Variants in DGKI observed in about 807,000 individuals in gnomAD.
The protein encoded by DGKI is DAG kinase iota.
DGKI carries 55 observed loss-of-function variants against 147.5 expected under a neutral mutation model. That is an observed-to-expected ratio of 0.37 (90% confidence interval 0.30 to 0.47). The LOEUF is 0.47. DGKI is among the 20% of genes least tolerant of loss of function. DGKI has a pLI of 1.00. For missense variants in DGKI, 1,007 were observed against 1,323.8 expected (o/e 0.76, Z 3.71); for synonymous variants, 469 against 477.1 (o/e 0.98, Z 0.22).
intron 1 of DGKI, among the ~76,000 whole-genome samples, chr7:137,691,808 T>TTTTTTTTTTTTTTTTTG (rs1823619370): frequency 1.5e-5 from 2 of 133,228 alleles, no homozygotes; most frequent in African/African-American, 7.0e-5. Context: ...GTTTTTTTTT[T>TTTTTTTTTTTTTTTTTG]TTTTTTTTTT....
At chr7:137,739,711 G>A (rs767306992) in intron 1 of DGKI, among the ~76,000 whole-genome samples, 5 of 152,122 alleles carry the variant, frequency 3.3e-5, no homozygotes, top group Admixed American at 6.6e-5. Flanking sequence ...AGTGCTACAC[G>A]CATGTGTACA....
intron 1 of DGKI, among the ~76,000 whole-genome samples, chr7:137,749,804 C>T (rs1795444742): frequency 6.6e-6 from 1 of 151,978 alleles, no homozygotes; most frequent in East Asian, 1.9e-4. Flanking sequence ...AATCACATCC[C>T]TAAATGGTGC....
At chr7:137,822,722 G>A (rs1797940920) in intron 1 of DGKI, among the ~76,000 whole-genome samples, 1 of 151,608 alleles carries the variant, frequency 6.6e-6, no homozygotes, top group South Asian at 2.1e-4. Context: ...TTAATGTAGG[G>A]TGAATACAAC....
At chr7:137,549,356 G>T (rs1055480814) in intron 20 of DGKI, among the ~76,000 whole-genome samples, 1 of 152,134 alleles carries the variant, frequency 6.6e-6, no homozygotes, top group African/African-American at 2.4e-5. Flanking sequence ...AGGAGCACTG[G>T]CATCTAAGTG....
chr7:137,475,555 C>T (rs573067767), intron 23 of DGKI, among the ~76,000 whole-genome samples: 1 of 152,296 alleles, frequency 6.6e-6, no homozygotes, highest in African/African-American at 2.4e-5. Context: ...TGTCACAAAA[C>T]TATACATTAT....
chr7:137,584,026 T>G (rs528146420), intron 14 of DGKI, among the ~76,000 whole-genome samples: 1 of 152,266 alleles, frequency 6.6e-6, no homozygotes, highest in African/African-American at 2.4e-5. Flanking sequence ...TTATAATATA[T>G]GTAATTAAAT....
intron 1 of DGKI, chr7:137,722,238 G>C: frequency 6.3e-7 from 1 of 1,594,976 alleles, no homozygotes; most frequent in Admixed American, 1.7e-5. Flanking sequence ...AAAAGAAAAA[G>C]AAGGAGAAGG....
At chr7:137,689,747 G>C (rs1823540470) in intron 2 of DGKI, 147 bp downstream of exon 2, 2 of 464,418 alleles carry the variant, frequency 4.3e-6, no homozygotes, top group Non-Finnish European at 7.5e-6. Context: ...TTTGAAAATG[G>C]AGCTACAGCT....
intron 20 of DGKI, among the ~76,000 whole-genome samples, chr7:137,536,823 T>C (rs896755009): frequency 1.3e-5 from 2 of 152,040 alleles, no homozygotes; most frequent in Non-Finnish European, 2.9e-5. Flanking sequence ...CCCCTTTTCT[T>C]TGTGTCACTA....
intron 1 of DGKI, among the ~76,000 whole-genome samples, chr7:137,754,675 G>A (rs1212058791): frequency 6.6e-6 from 1 of 152,150 alleles, no homozygotes; most frequent in African/African-American, 2.4e-5. Context: ...GAACAAGGTG[G>A]GTAGACGTGT....
At position 137,638,538 on chromosome 7, in the gene DGKI, ATGTATATATATG is replaced by A. The variant is rs1563125553; in HGVS notation, c.804+6922_804+6933del. 4.9e-4 allele frequency among the ~76,000 whole-genome samples: 59 copies of A among 119,672 alleles called. 7 individuals carry two copies. Among genetic ancestry groups the A allele is most frequent in the African/African-American group, 1.9e-3 (57 of 30,340 alleles). 78.5% of individuals were successfully genotyped at this position (119,672 alleles called of 152,430 possible). On this transcript the variant is annotated intron_variant, in intron 6 of 32. Transcript: ENST00000614521. ...TGTGTATATATATACACACACATATATGTATATATATGTGTGTATATATATACACACATATAT... is the reference window on the plus strand; with the variant it reads ...TGTGTATATATATACACACACATATATGTGTATATATATACACACATATAT...
intron 5 of DGKI, 74 bp from the exon 6 acceptor site, chr7:137,645,611 C>T: frequency 1.5e-6 from 2 of 1,327,580 alleles, no homozygotes; most frequent in Non-Finnish European, 2.1e-6. Flanking sequence ...CTGTCACCCA[C>T]ACTGGAGTGC....
At chr7:137,642,638 C>T (rs1363422735) in intron 6 of DGKI, among the ~76,000 whole-genome samples, 1 of 152,254 alleles carries the variant, frequency 6.6e-6, no homozygotes, top group East Asian at 1.9e-4. Flanking sequence ...CTGAGGCATT[C>T]GGCTAACGTT....
intron 20 of DGKI, among the ~76,000 whole-genome samples, chr7:137,523,144 G>T (rs980494417): frequency 6.6e-6 from 1 of 151,900 alleles, no homozygotes; most frequent in Non-Finnish European, 1.5e-5. Context: ...AGATAAGAAA[G>T]AATACATGAA....
intron 6 of DGKI, among the ~76,000 whole-genome samples, chr7:137,625,918 T>C (rs963040230): frequency 1.8e-4 from 28 of 152,264 alleles, no homozygotes; most frequent in Middle Eastern, 6.8e-3. Context: ...GCAACTCTTA[T>C]GTGATTATGT....
At chr7:137,659,756 G>T (rs891486391) in intron 3 of DGKI, among the ~76,000 whole-genome samples, 1 of 152,070 alleles carries the variant, frequency 6.6e-6, no homozygotes, top group Non-Finnish European at 1.5e-5. Flanking sequence ...CACAGTGAAA[G>T]CTCGTCTCTA....
At chr7:137,559,195 C>T (rs938859873) in intron 19 of DGKI, among the ~76,000 whole-genome samples, 7 of 147,278 alleles carry the variant, frequency 4.8e-5, no homozygotes, top group African/African-American at 1.5e-4. Flanking sequence ...CCTCAGCCTC[C>T]CAAGTAGCTG....
At chr7:137,704,589 CA>C (rs1793951932) in intron 1 of DGKI, among the ~76,000 whole-genome samples, 1 of 151,938 alleles carries the variant, frequency 6.6e-6, no homozygotes. Context: ...GAAAAGGGGG[CA>C]AAAAGAATAT....
chr7:137,686,566 G>C (rs532052519), intron 2 of DGKI, among the ~76,000 whole-genome samples: 124 of 152,270 alleles, frequency 8.1e-4, no homozygotes, highest in African/African-American at 2.9e-3. Context: ...GGGATTTTGA[G>C]AAACAACCTA....
Sources: gnomAD v4.1 joint callset for allele counts (sites outside exome capture counted in the v4.1 genomes callset) on GRCh38, gnomAD v4.1.1 for gene constraint, MANE v1.5 for transcripts, NCBI Gene and HGNC (gene_info 2026-07-23, HGNC 2026-07-21) for gene names.